The following DNAH9 variants were observed in gnomAD, a reference collection of about 807,000 sequenced individuals.
DNAH9 encodes the protein dynein axonemal heavy chain 9.
Under a neutral mutation model 471.6 loss-of-function variants are expected in DNAH9, and 345 were observed. The ratio of observed to expected loss-of-function variants is 0.73; its 90% CI spans 0.67 to 0.80. The LOEUF is 0.80. Ranked by LOEUF, DNAH9 falls within the 30% of genes least tolerant of loss-of-function variation. The pLI is 0.00. For synonymous variants in DNAH9, 2,093 were observed against 2,123.6 expected (o/e 0.99, Z 0.40); for missense variants, 5,407 against 5,609.2 (o/e 0.96, Z 1.15).
chr17:11,689,426 A>C (rs1441972620), intron 19 of DNAH9, 140 bp from the exon 20 acceptor site: 2 of 741,050 alleles, frequency 2.7e-6, no homozygotes, highest in Non-Finnish European at 4.5e-6. Context: ...GCTTTCGTGA[A>C]AAGAATGTTT....
intron 61 of DNAH9, among the ~76,000 whole-genome samples, chr17:11,917,483 C>G (rs1156693679): frequency 6.6e-6 from 1 of 152,030 alleles, no homozygotes; most frequent in East Asian, 1.9e-4. Flanking sequence ...CGAAAGCTAC[C>G]ACCATCCACC....
chr17:11,738,786 C>T (rs144524174), intron 28 of DNAH9, 94 bp from the exon 29 acceptor site: 17 of 1,082,760 alleles, frequency 1.6e-5, no homozygotes, highest in South Asian at 7.0e-5. Flanking sequence ...GACAGTTCTT[C>T]GTGCTGTGTG....
chr17:11,680,729 C>T lies in DNAH9; in HGVS notation c.3583C>T (p.Pro1195Ser), dbSNP rs757909623. Residue 1195 changes from proline (P) to serine (S), a missense_variant, in exon 19 of 69, where the codon CCT becomes TCT. Coordinates refer to ENST00000262442, the MANE Select transcript of DNAH9 (RefSeq NM_001372.4). Reference sequence around the variant, plus strand: ...ACTGAGGTTTCCTTTGCAGGAGCTGCCTGAGAAATGGAACAACATAAAAAA... The same window carrying T: ...ACTGAGGTTTCCTTTGCAGGAGCTGTCTGAGAAATGGAACAACATAAAAAA... ...ETVFKQLEEL[P>S]EKWNNIKKVA... The T allele has an allele frequency of 1.1e-5, 17 of 1,613,762 alleles. No individual in the cohort carries two copies. In the Admixed American group the frequency reaches 2.7e-4, roughly 25 times the overall value.
rs890223722 is a variant in DNAH9, at chr17:11,651,276, G to T, written c.2305G>T (p.Asp769Tyr). The T allele has an allele frequency of 6.2e-7, 1 of 1,613,730 alleles. No homozygotes were observed. The highest frequency in any genetic ancestry group is 8.5e-7 in the Non-Finnish European group (1 of 1,179,878). The change falls in exon 13 of 69, where the codon GAT becomes TAT. Residue 769 changes from aspartate (D) to tyrosine (Y), a missense_variant. Coordinates refer to ENST00000262442, the MANE Select transcript of DNAH9 (RefSeq NM_001372.4). The stretch of plus-strand genomic sequence containing the variant: ...AGTGGAGGAAGAGCTGCAAAATATT[G>T]ATCTCCGCCTCAGAGCAGCAGAGGA... ...PLVEEELQNI[D>Y]LRLRAAEETL...
intron 41 of DNAH9, among the ~76,000 whole-genome samples, chr17:11,786,736 GAA>G (rs1250579532): frequency 2.0e-5 from 3 of 152,302 alleles, no homozygotes; most frequent in South Asian, 2.1e-4. Context: ...GCTTCCGGAG[GAA>G]AGAGTACACC....
At chr17:11,788,274 ACAGAG>A (rs1266818135) in intron 41 of DNAH9, among the ~76,000 whole-genome samples, 1 of 152,170 alleles carries the variant, frequency 6.6e-6, no homozygotes, top group African/African-American at 2.4e-5. Context: ...TAAGAAGGAG[ACAGAG>A]GCTGCAATAA....
chr17:11,803,711 TG>T (rs1193265876), intron 43 of DNAH9, among the ~76,000 whole-genome samples: 1 of 152,144 alleles, frequency 6.6e-6, no homozygotes, highest in Admixed American at 6.5e-5. Context: ...CATTTCCCAT[TG>T]AGATATTGAA....
At chr17:11,930,645 G>T (rs1030668148) in intron 63 of DNAH9, among the ~76,000 whole-genome samples, 20 of 151,636 alleles carry the variant, frequency 1.3e-4, no homozygotes, top group African/African-American at 4.8e-4. Context: ...TTTTTCTGTC[G>T]TCCCAGCTAC....
intron 28 of DNAH9, among the ~76,000 whole-genome samples, chr17:11,728,664 T>C (rs1233284351): frequency 6.6e-6 from 1 of 152,180 alleles, no homozygotes; most frequent in Non-Finnish European, 1.5e-5. Context: ...ATTTTGGATT[T>C]GGGTCAGGAT....
chr17:11,854,164 C>G lies in DNAH9; in HGVS notation c.9669C>G (p.Asp3223Glu). 1 of 1,614,154 alleles carries G rather than the reference C, an allele frequency of 6.2e-7. No homozygotes were observed. Among genetic ancestry groups the G allele is most frequent in the South Asian group, 1.1e-5 (1 of 91,076 alleles). ...VTMAKVDGFLDSLINFNKENI... is the reference protein window; with the variant it reads ...VTMAKVDGFLESLINFNKENI... ...TGGCCAAAGTGGATGGCTTCCTGGA[C>G]TCGCTAATAAACTTCAACAAAGAGA... The change falls in exon 50 of 69, where the codon GAC becomes GAG. Residue 3223 changes from aspartate to glutamate, a missense_variant. Transcript: ENST00000262442.
At chr17:11,852,249 AAGTT>A (rs1971448814) in intron 49 of DNAH9, among the ~76,000 whole-genome samples, 1 of 152,184 alleles carries the variant, frequency 6.6e-6, no homozygotes, top group Admixed American at 6.5e-5. Flanking sequence ...CCCACTGACA[AAGTT>A]AGCGCCATAA....
intron 30 of DNAH9, 86 bp from the exon 31 acceptor site, chr17:11,744,711 T>C: frequency 8.3e-7 from 1 of 1,209,178 alleles, no homozygotes; most frequent in Non-Finnish European, 1.2e-6. Flanking sequence ...GACCTAATGC[T>C]CATAGCATAT....
chr17:11,738,899 C>T lies in DNAH9; in HGVS notation c.5834C>T (p.Ala1945Val), dbSNP rs377750744. 1.9e-5 allele frequency: 30 copies of T among 1,613,834 alleles called. No individual in the cohort carries two copies. Among genetic ancestry groups the T allele is most frequent in the Non-Finnish European group, 2.4e-5 (28 of 1,179,908 alleles). ...CACCAGGTAAAAAGCATTCAAGATG[C>T]GATTAGAGATAAGAAGCAGTGGTTC... ...VAVQVKSIQD[A>V]IRDKKQWFSF... The change falls in exon 29 of 69, where the codon GCG becomes GTG. Residue 1945 changes from alanine to valine, a missense_variant. Physicochemically the swap from Ala to Val is moderately conservative, Grantham distance 64. Around this residue, in one of 3 missense-constraint regions of DNAH9, gnomAD observed 4,636 missense variants for 4,900.3 expected, o/e 0.95. Coordinates refer to ENST00000262442, the MANE Select transcript of DNAH9 (RefSeq NM_001372.4).
intron 26 of DNAH9, among the ~76,000 whole-genome samples, chr17:11,712,061 T>C (rs1349140703): frequency 3.0e-4 from 1 of 3,298 alleles, no homozygotes; most frequent in Non-Finnish European, 3.8e-3. Flanking sequence ...TAAATATATA[T>C]ATTTGTATAT....
chr17:11,822,116 G>T, intron 46 of DNAH9, 54 bp downstream of exon 46: 1 of 1,562,956 alleles, frequency 6.4e-7, no homozygotes, highest in Non-Finnish European at 8.7e-7. Flanking sequence ...ATTCATGGGA[G>T]CTTCCACTGA....
At chr17:11,825,916 A>G (rs1235311660) in intron 48 of DNAH9, among the ~76,000 whole-genome samples, 1 of 152,200 alleles carries the variant, frequency 6.6e-6, no homozygotes, top group Admixed American at 6.5e-5. Flanking sequence ...TTGACTAAAT[A>G]TGGTTAATCT....
chr17:11,768,305 C>A, intron 36 of DNAH9, 148 bp from the exon 37 acceptor site: 1 of 804,412 alleles, frequency 1.2e-6, no homozygotes, highest in Non-Finnish European at 2.0e-6. Flanking sequence ...GGCAGCGCTG[C>A]CTTCCTGGAG....
chr17:11,722,074 C>G, intron 27 of DNAH9, among the ~76,000 whole-genome samples: 1 of 152,182 alleles, frequency 6.6e-6, no homozygotes, highest in Non-Finnish European at 1.5e-5. Flanking sequence ...CCTCACAGGA[C>G]CCGGCTGGGA....
chr17:11,835,522 C>T (rs893895734), intron 49 of DNAH9, among the ~76,000 whole-genome samples: 2 of 152,080 alleles, frequency 1.3e-5, no homozygotes, highest in African/African-American at 4.8e-5. Flanking sequence ...CTTAGCCACT[C>T]TTTTCTTTTC....
Sources: gnomAD v4.1 joint callset for allele counts (sites outside exome capture counted in the v4.1 genomes callset) on GRCh38, gnomAD v4.1.1 for gene constraint, gnomAD v4.1.1 regional missense constraint, MANE v1.5 for transcripts, NCBI Gene and HGNC (gene_info 2026-07-23, HGNC 2026-07-21) for gene names.